NKAIN4: variants seen among roughly 807,000 people sequenced by gnomAD.
The protein encoded by NKAIN4 is sodium/potassium-transporting ATPase subunit beta-1-interacting protein 4.
In NKAIN4, 28 loss-of-function variants were observed where a neutral mutation model predicts 28.8. The ratio of observed to expected loss-of-function variants is 0.97; its 90% confidence interval spans 0.72 to 1.33. NKAIN4 has a LOEUF of 1.33. Ranked by LOEUF, NKAIN4 falls within the 40% of genes most tolerant of loss-of-function variation. NKAIN4 has a pLI of 0.00. For missense variants in NKAIN4, 289 were observed against 277.2 expected (o/e 1.04, Z -0.30); for synonymous variants, 122 against 115.6 (o/e 1.06, Z -0.36).
rs941351063 is a variant in NKAIN4, at chr20:63,240,816, G to C, written c.*681C>G. 6.6e-6 allele frequency: 1 copy of C among 152,414 alleles called. No homozygotes were observed. Among genetic ancestry groups the C allele is most frequent in the Non-Finnish European group, 1.5e-5 (1 of 68,172 alleles). 9.4% of individuals were successfully genotyped at this position (152,414 alleles called of 1,614,324 possible). ...CATGTTCCTGTTTATTTACCAACTT[G>C]ATGATACCTGGGGGAGCCTTTGGGA... On this transcript the variant is annotated 3_prime_UTR_variant, in exon 7 of 7. Coordinates refer to ENST00000370316, the MANE Select transcript of NKAIN4 (RefSeq NM_152864.4).
intron 5 of NKAIN4, chr20:63,243,798 G>A (rs1448358013): frequency 6.0e-5 from 28 of 469,588 alleles, no homozygotes; most frequent in South Asian, 4.1e-4. Context: ...TCCTTGGACC[G>A]GGGGGCAGCT....
rs1395017579 is a variant in NKAIN4, at chr20:63,243,897, G to C, written c.532+127C>G. 1.2e-5 allele frequency: 9 copies of C among 741,486 alleles called. No homozygotes were observed. The African/African-American group carries it at 1.4e-4, about 12-fold the overall frequency. 45.9% of individuals were successfully genotyped at this position (741,486 alleles called of 1,614,324 possible). ...GCTCAGGCCTACGGCCGTGAGCAAG[G>C]CCCTGCTGGGCGTGAGGTCCCTTCC... is the stretch of plus-strand genomic sequence containing the variant. On this transcript the variant is annotated intron_variant, in intron 5 of 6. Transcript: ENST00000370316.
rs199625671 is a variant in NKAIN4 at position 63,249,924 on chromosome 20, C to T, written c.192+11G>A. ...CACCTGCCCATAAAGAGGGCCGGGC[C>T]CAGGACTCACCACCATGACATAGCG... is the stretch of plus-strand genomic sequence containing the variant. On this transcript the variant is annotated intron_variant, in intron 2 of 6. Coordinates refer to ENST00000370316, the MANE Select transcript of NKAIN4 (RefSeq NM_152864.4). 2.2e-4 allele frequency: 360 copies of T among 1,610,550 alleles called. 1 individual carries two copies. Among genetic ancestry groups the T allele is most frequent in the Non-Finnish European group, 4.2e-5 (49 of 1,178,584 alleles).
chr20:63,248,855 A>G lies in NKAIN4; in HGVS notation c.233T>C (p.Phe78Ser), dbSNP rs369302747. 1.4e-4 allele frequency: 231 copies of G among 1,612,778 alleles called. 1 individual carries two copies. Among genetic ancestry groups the G allele is most frequent in the Admixed American group, 2.3e-4 (14 of 59,990 alleles). Reference protein sequence around the residue: ...WAAVWVTWNVFIICFYLEVGG... With the variant: ...WAAVWVTWNVSIICFYLEVGG... ...GACTTCCAGGTAGAAGCAGATGATG[A>G]AGACGTTCCAGGTGACCCAGACGGC... Residue 78 changes from phenylalanine to serine, a missense_variant, in exon 3 of 7, where the codon TTC becomes TCC. Physicochemically the swap from Phe to Ser is radical, Grantham distance 155 (BLOSUM62 -2). Transcript: ENST00000370316.
Position 63,254,384 on chromosome 20 carries a change from G to T in NKAIN4, c.54+13C>A. ...GGGGGCTCCAGGAGGCTCGCGGAGG[G>T]GTCGCCACTCACCAGCTGAAAAGCG... On this transcript the variant is annotated intron_variant, in intron 1 of 6. Transcript: ENST00000370316. The T allele has an allele frequency of 6.9e-7, 1 of 1,450,170 alleles. No individual in the cohort carries two copies. 89.8% of individuals were successfully genotyped at this position (1,450,170 alleles called of 1,614,324 possible).
rs2066995571 is a variant in NKAIN4 at position 63,253,412 on chromosome 20, G to A, written c.54+985C>T. ...AGCCTGTGCCCCTAAGCCGAGCACA[G>A]GACACCCAAGCTGCACAGCCACGGA... is the stretch of plus-strand genomic sequence containing the variant. On this transcript the variant is annotated intron_variant, in intron 1 of 6. Coordinates refer to ENST00000370316, the MANE Select transcript of NKAIN4 (RefSeq NM_152864.4). The A allele has an allele frequency of 1.1e-5, 11 of 985,310 alleles. No homozygotes were observed. The South Asian group carries it at 4.2e-4, about 38-fold the overall frequency. 61.0% of individuals were successfully genotyped at this position (985,310 alleles called of 1,614,324 possible). A position where few individuals can be genotyped will look rare whatever the true frequency, so the allele number is the denominator to read the frequency against.
At chr20:63,254,851 G>A (rs916788033), upstream of NKAIN4, 1 of 170,442 alleles carries the variant, frequency 5.9e-6, no homozygotes, top group African/African-American at 2.4e-5. Context: ...TGCGCCCTCC[G>A]GCGTGAGATC....
intron 5 of NKAIN4, 197 bp downstream of exon 5, chr20:63,243,827 G>C: frequency 3.7e-6 from 2 of 545,860 alleles, no homozygotes; most frequent in Non-Finnish European, 6.6e-6. Context: ...GAGCCCCCAG[G>C]CTAGGACCTC....
At chr20:63,254,228 G>C (rs149519714) in intron 1 of NKAIN4, 169 bp downstream of exon 1, 29,699 of 500,560 alleles carry the variant, frequency 0.059, 1,160 homozygotes, top group South Asian at 0.17. Context: ...CGCCCCGCAG[G>C]CGACGCCACC....
chr20:63,253,622 C>G, intron 1 of NKAIN4: 3 of 643,172 alleles, frequency 4.7e-6, no homozygotes, highest in Non-Finnish European at 5.8e-6. Context: ...CCTGGACAGG[C>G]GAGGCCTTTG....
chr20:63,254,528 G>A (rs2067018280), upstream of NKAIN4: 5 of 1,041,408 alleles, frequency 4.8e-6, no homozygotes, highest in Non-Finnish European at 6.2e-6. Context: ...CCCACGCGCC[G>A]CAGCCTGGAC....
At chr20:63,254,602 G>A (rs1445423770), upstream of NKAIN4, 2 of 522,864 alleles carry the variant, frequency 3.8e-6, no homozygotes, top group Admixed American at 4.6e-5. Context: ...CCCAGCCCCG[G>A]GTAACAGCTG....
intron 3 of NKAIN4, chr20:63,248,014 G>A: frequency 4.5e-6 from 2 of 445,562 alleles, no homozygotes; most frequent in Non-Finnish European, 7.5e-6. Flanking sequence ...CTCCAGGAAG[G>A]CCTCCCTGCC....
In NKAIN4 at chr20:63,241,769, G is replaced by T. The variant is rs1246167505; in HGVS notation, c.618-263C>A. On this transcript the variant is annotated intron_variant, in intron 6 of 6. Coordinates refer to ENST00000370316, the MANE Select transcript of NKAIN4 (RefSeq NM_152864.4). ...CCTGTGGGGCTGGGAGTGGAGAGGG[G>T]GCTCACCCAGGGGTGTGCCTGGGTC... 6.1e-6 allele frequency: 4 copies of T among 657,818 alleles called. No individual in the cohort carries two copies. The Admixed American group carries it at 6.3e-5, about 10-fold the overall frequency. The allele number at this position is 657,818 out of a possible 1,614,324, so 40.7% of individuals were successfully genotyped here.
At chr20:63,247,226 G>C (rs775861223) in intron 4 of NKAIN4, 3 of 1,209,760 alleles carry the variant, frequency 2.5e-6, no homozygotes, top group Non-Finnish European at 3.1e-6. Context: ...GGATGGGTTT[G>C]TCAGGAAGAT....
intron 5 of NKAIN4, among the ~76,000 whole-genome samples, chr20:63,243,686 C>A (rs1209416475): frequency 6.6e-6 from 1 of 152,200 alleles, no homozygotes; most frequent in African/African-American, 2.4e-5. Context: ...TCCGATCTGC[C>A]TGGAGGCTGC....
At chr20:63,251,791 T>C (rs972774226) in intron 1 of NKAIN4, among the ~76,000 whole-genome samples, 1 of 152,172 alleles carries the variant, frequency 6.6e-6, no homozygotes, top group Admixed American at 6.5e-5. Context: ...ATTGTTGTAT[T>C]ATATATTTTA....
chr20:63,247,827 C>G (rs2066889341), intron 3 of NKAIN4, 52 bp from the exon 4 acceptor site: 1 of 1,415,488 alleles, frequency 7.1e-7, no homozygotes, highest in South Asian at 1.7e-5. Flanking sequence ...GGTGGGCGGC[C>G]TCACCCACTG....
intron 1 of NKAIN4, among the ~76,000 whole-genome samples, chr20:63,250,806 C>G (rs765920880): frequency 1.5e-4 from 23 of 152,110 alleles, no homozygotes; most frequent in Non-Finnish European, 2.8e-4. Flanking sequence ...GACTGGCGCA[C>G]TCGGCACCAC....
Sources: allele counts gnomAD v4.1 joint callset (sites outside exome capture counted in the v4.1 genomes callset), GRCh38; gene constraint gnomAD v4.1.1; transcripts MANE v1.5; gene names NCBI Gene and HGNC (gene_info 2026-07-23, HGNC 2026-07-21).